The following NDUFS6 variants were observed in gnomAD, a reference collection of about 807,000 sequenced individuals.
NDUFS6 encodes NADH:ubiquinone oxidoreductase subunit S6.
In NDUFS6, 14 loss-of-function variants were observed where a neutral mutation model predicts 13.2. The observed-to-expected ratio is 1.06, with a 90% CI of 0.70 to 1.66. The LOEUF (loss-of-function observed/expected upper bound fraction) is 1.66, where lower values mean the gene tolerates loss of function less well. NDUFS6 is among the 40% of genes most tolerant of loss of function. The pLI is 0.00. For missense variants in NDUFS6, 206 were observed against 170.8 expected, an observed-to-expected ratio of 1.21 and a Z score of -1.15; for synonymous variants, 95 against 72.3, an observed-to-expected ratio of 1.31 and a Z score of -1.60.
intron 2 of NDUFS6, among the ~76,000 whole-genome samples, chr5:1,805,862 G>T (rs1463127176): frequency 6.6e-6 from 1 of 152,320 alleles, no homozygotes; most frequent in East Asian, 1.9e-4. Flanking sequence ...AGCTGGGGCT[G>T]CCCTGCCTGG....
chr5:1,814,195 A>T lies in NDUFS6; in HGVS notation c.187-144A>T. On this transcript the variant is annotated intron_variant, in intron 2 of 3. Coordinates refer to ENST00000274137, the MANE Select transcript of NDUFS6 (RefSeq NM_004553.6). The surrounding 1 kb of genome is among the most constrained non-coding windows in gnomAD (Gnocchi z 4.9). Reference sequence around the variant, plus strand: ...GATGTGTGTGTAGGCCCTGAATTTAATAAGGTCTACAATGATAATAGTTAA... The same window carrying T: ...GATGTGTGTGTAGGCCCTGAATTTATTAAGGTCTACAATGATAATAGTTAA... 8.2e-7 allele frequency: 1 copy of T among 1,226,852 alleles called. No individual in the cohort carries two copies. Among genetic ancestry groups the T allele is most frequent in the Non-Finnish European group, 1.2e-6 (1 of 846,094 alleles). The allele number at this position is 1,226,852 out of a possible 1,614,324, so 76.0% of individuals were successfully genotyped here.
Position 1,814,823 on chromosome 5 carries a change from G to A in NDUFS6, c.309+362G>A. 3 of 636,070 alleles carry A rather than the reference G, an allele frequency of 4.7e-6. No homozygotes were observed. Among genetic ancestry groups the A allele is most frequent in the South Asian group, 3.5e-5 (2 of 56,398 alleles). 39.4% of individuals were successfully genotyped at this position (636,070 alleles called of 1,614,324 possible). On this transcript the variant is annotated intron_variant, in intron 3 of 3. Coordinates refer to ENST00000274137, the MANE Select transcript of NDUFS6 (RefSeq NM_004553.6). This position sits in a 1 kb window ranked among gnomAD's most constrained non-coding sequence, Gnocchi z 4.9. ...CAAACACATTTCCCACAGCGCTGGA[G>A]GCTGCAGCCCAAGACCACCGTGCCG...
rs376509886 is a variant in NDUFS6, at chr5:1,801,442, C to T, written c.25C>T (p.Arg9Trp). 9.9e-5 allele frequency: 159 copies of T among 1,605,168 alleles called. 1 individual carries two copies. The East Asian group carries it at 3.0e-3, about 30-fold the overall frequency. MAAAMTFCRLLNRCGEAAR... is the reference protein window; with the variant it reads MAAAMTFCWLLNRCGEAAR... ...AATGGCGGCGGCGATGACCTTCTGC[C>T]GGCTGCTGAACCGGTGTGGCGAGGC... The change falls in exon 1 of 4, where the codon CGG becomes TGG. Residue 9 changes from arginine to tryptophan, a missense_variant. Coordinates refer to ENST00000274137, the MANE Select transcript of NDUFS6 (RefSeq NM_004553.6).
At chr5:1,804,080 G>A (rs932898254) in intron 2 of NDUFS6, among the ~76,000 whole-genome samples, 3 of 152,158 alleles carry the variant, frequency 2.0e-5, no homozygotes, top group Non-Finnish European at 4.4e-5. Context: ...GGCATCGATG[G>A]GTGGTTGTTA....
intron 2 of NDUFS6, among the ~76,000 whole-genome samples, chr5:1,812,922 G>A (rs907262607): frequency 6.6e-6 from 1 of 152,094 alleles, no homozygotes; most frequent in Non-Finnish European, 1.5e-5. Context: ...ACGTGGTGGC[G>A]GGTGCCTGTA....
In NDUFS6 at chr5:1,814,789, C is replaced by T. The variant is rs1025883080; in HGVS notation, c.309+328C>T. The stretch of plus-strand genomic sequence containing the variant: ...CACACACAGCACCGCAGGCTGGGGT[C>T]GAAAACAACAAACACATTTCCCACA... On this transcript the variant is annotated intron_variant, in intron 3 of 3. Transcript: ENST00000274137. The surrounding 1 kb of genome is among the most constrained non-coding windows in gnomAD (Gnocchi z 4.9). 4.0e-5 allele frequency: 27 copies of T among 667,502 alleles called. No homozygotes were observed. The highest frequency in any genetic ancestry group is 1.6e-4 in the African/African-American group (9 of 55,666). The allele number at this position is 667,502 out of a possible 1,614,324, so 41.3% of individuals were successfully genotyped here. A position where few individuals can be genotyped will look rare whatever the true frequency, so the allele number is the denominator to read the frequency against.
At chr5:1,806,395 C>G (rs1734123467) in intron 2 of NDUFS6, among the ~76,000 whole-genome samples, 1 of 152,184 alleles carries the variant, frequency 6.6e-6, no homozygotes, top group Admixed American at 6.5e-5. Flanking sequence ...TTCTGAGACA[C>G]CTAGGCTGGC....
At chr5:1,809,435 C>G (rs1301919980) in intron 2 of NDUFS6, among the ~76,000 whole-genome samples, 1 of 152,124 alleles carries the variant, frequency 6.6e-6, no homozygotes, top group African/African-American at 2.4e-5. Flanking sequence ...GCCGTGTGAA[C>G]CCGGAGCCGG....
In NDUFS6 at chr5:1,801,408, G is replaced by C. The variant is rs1734034541; in HGVS notation, c.-10G>C. 2 of 1,605,278 alleles carry C rather than the reference G, an allele frequency of 1.2e-6. No homozygotes were observed. The highest frequency in any genetic ancestry group is 1.3e-5 in the African/African-American group (1 of 74,784). ...GGACGTTGCGCCGGGTCAAAGGCCA[G>C]CGGCGCAAAATGGCGGCGGCGATGA... On this transcript the variant is annotated 5_prime_UTR_variant, in exon 1 of 4. Transcript: ENST00000274137.
At chr5:1,812,492 C>G (rs1734232692) in intron 2 of NDUFS6, among the ~76,000 whole-genome samples, 1 of 56,202 alleles carries the variant, frequency 1.8e-5, no homozygotes, top group African/African-American at 3.8e-5. Context: ...TTCCCTGTAT[C>G]CCAGATTATC....
chr5:1,815,787 G>A (rs1163782554), intron 3 of NDUFS6, 64 bp from the exon 4 acceptor site: 5 of 1,499,874 alleles, frequency 3.3e-6, no homozygotes, highest in Non-Finnish European at 4.6e-6. Context: ...CATTTTCAAT[G>A]CTTAATATCT....
intron 2 of NDUFS6, among the ~76,000 whole-genome samples, chr5:1,804,861 G>A (rs1309106335): frequency 1.3e-5 from 2 of 152,190 alleles, no homozygotes; most frequent in East Asian, 3.8e-4. Flanking sequence ...CACTCTTAAT[G>A]TTGTATGTTC....
intron 2 of NDUFS6, among the ~76,000 whole-genome samples, chr5:1,809,368 T>C (rs1045075371): frequency 6.6e-6 from 1 of 152,142 alleles, no homozygotes; most frequent in African/African-American, 2.4e-5. Flanking sequence ...GAGCCTTGAG[T>C]CTGAACCCAG....
chr5:1,805,002 G>A (rs1019183367), intron 2 of NDUFS6, among the ~76,000 whole-genome samples: 4 of 152,094 alleles, frequency 2.6e-5, no homozygotes, highest in African/African-American at 9.7e-5. Flanking sequence ...GCCCCTGATC[G>A]TACTGTCCTC....
chr5:1,814,978 G>T lies in NDUFS6; in HGVS notation c.309+517G>T, dbSNP rs559825959. ...TCTTATAAGGGCACCAGGCAGATTG[G>T]CTCAGGGCCCCTATGTGACCTCAGT... On this transcript the variant is annotated intron_variant, in intron 3 of 3. Coordinates refer to ENST00000274137, the MANE Select transcript of NDUFS6 (RefSeq NM_004553.6). The surrounding 1 kb of genome is among the most constrained non-coding windows in gnomAD (Gnocchi z 4.9). Among the ~76,000 whole-genome samples the T allele has an allele frequency of 5.9e-4, 90 of 152,266 alleles. No individual in the cohort carries two copies. The highest frequency in any genetic ancestry group is 2.1e-3 in the African/African-American group (88 of 41,544).
At chr5:1,802,184 A>C in intron 1 of NDUFS6, 137 bp from the exon 2 acceptor site, 1 of 768,576 alleles carries the variant, frequency 1.3e-6, no homozygotes, top group Non-Finnish European at 2.2e-6. Flanking sequence ...TACACCGAGT[A>C]CTGTGCACTT....
intron 1 of NDUFS6, 136 bp downstream of exon 1, chr5:1,801,685 A>G (rs1334966801): frequency 7.4e-7 from 1 of 1,348,820 alleles, no homozygotes; most frequent in African/African-American, 1.5e-5. Flanking sequence ...GCTGTCGCTC[A>G]CGCGCCGGGG....
chr5:1,801,655 G>C (rs1561102127), intron 1 of NDUFS6, 106 bp downstream of exon 1: 5 of 1,465,972 alleles, frequency 3.4e-6, no homozygotes, highest in Admixed American at 2.1e-5. Flanking sequence ...CGCCGGCAGC[G>C]CAGGTCGTGG....
At chr5:1,807,201 A>AGGTACTCAGAGGTACCGCGTGAGGTACTC (rs1437218968) in intron 2 of NDUFS6, among the ~76,000 whole-genome samples, 1 of 151,126 alleles carries the variant, frequency 6.6e-6, no homozygotes, top group African/African-American at 2.4e-5. Context: ...GTACTGTGTG[A>AGGTACTCAGAGGTACCGCGTGAGGTACTC]ACACTGTGTG....
Sources: gnomAD v4.1 joint callset for allele counts (sites outside exome capture counted in the v4.1 genomes callset) on GRCh38, gnomAD v4.1.1 for gene constraint, Gnocchi (gnomAD v3.1) non-coding constraint, MANE v1.5 for transcripts, NCBI Gene and HGNC (gene_info 2026-07-23, HGNC 2026-07-21) for gene names.